Variants in CHCHD3 observed in about 807,000 individuals in gnomAD.
CHCHD3 encodes the protein coiled-coil-helix-coiled-coil-helix domain containing 3.
CHCHD3 carries 20 observed loss-of-function variants against 38.2 expected under a neutral mutation model. The observed-to-expected ratio is 0.52, with a 90% confidence interval of 0.37 to 0.76. The LOEUF (loss-of-function observed/expected upper bound fraction) is 0.76, where lower values mean the gene tolerates loss of function less well. CHCHD3 is among the 30% of genes least tolerant of loss of function. CHCHD3 has a pLI of 0.00. For synonymous variants in CHCHD3, 82 were observed against 100.0 expected (o/e 0.82, Z 1.07); for missense variants, 245 against 279.2 (o/e 0.88, Z 0.87).
chr7:132,798,363 A>T (rs1313595557), intron 6 of CHCHD3, among the ~76,000 whole-genome samples: 3 of 152,298 alleles, frequency 2.0e-5, no homozygotes, highest in Non-Finnish European at 4.4e-5. Flanking sequence ...ATGTCTGTGA[A>T]TTTTTCTGGA....
At chr7:132,853,180 G>A (rs560294901) in intron 5 of CHCHD3, among the ~76,000 whole-genome samples, 9 of 152,152 alleles carry the variant, frequency 5.9e-5, no homozygotes, top group Non-Finnish European at 1.2e-4. Flanking sequence ...AAACAACTCC[G>A]ACTGACCGCT....
intron 5 of CHCHD3, among the ~76,000 whole-genome samples, chr7:132,842,792 T>C (rs1807973495): frequency 6.6e-6 from 1 of 152,202 alleles, no homozygotes; most frequent in Non-Finnish European, 1.5e-5. Flanking sequence ...GGCTACCTTA[T>C]GGCAACAGAT....
At chr7:133,075,935 T>G (rs1814976356) in intron 1 of CHCHD3, among the ~76,000 whole-genome samples, 2 of 151,714 alleles carry the variant, frequency 1.3e-5, no homozygotes, top group Non-Finnish European at 2.9e-5. Context: ...GGTGGGTGCC[T>G]GTAGTCCCAG....
intron 3 of CHCHD3, among the ~76,000 whole-genome samples, chr7:132,995,287 T>A (rs538738506): frequency 6.6e-5 from 10 of 152,192 alleles, no homozygotes; most frequent in Admixed American, 1.3e-4. Flanking sequence ...CACATCTTGA[T>A]GAGTCTAGGA....
intron 4 of CHCHD3, among the ~76,000 whole-genome samples, chr7:132,959,905 A>G (rs1432759855): frequency 1.3e-5 from 2 of 152,156 alleles, no homozygotes; most frequent in Non-Finnish European, 2.9e-5. Flanking sequence ...AGGCCAAAGA[A>G]AAATGAAAAC....
intron 4 of CHCHD3, among the ~76,000 whole-genome samples, chr7:132,933,826 C>T (rs964068624): frequency 1.8e-4 from 28 of 152,206 alleles, no homozygotes; most frequent in Admixed American, 1.5e-3. Context: ...GACAATGTGC[C>T]AGGTCCTGGG....
chr7:132,977,592 T>C (rs913222157), intron 3 of CHCHD3, among the ~76,000 whole-genome samples: 2 of 152,184 alleles, frequency 1.3e-5, no homozygotes, highest in Non-Finnish European at 2.9e-5. Context: ...AATAAAATAA[T>C]AAAATTACTA....
intron 4 of CHCHD3, among the ~76,000 whole-genome samples, chr7:132,895,051 T>G (rs1360390020): frequency 6.6e-6 from 1 of 152,210 alleles, no homozygotes. Flanking sequence ...AATGGTCCAT[T>G]AACCAGCATG....
At chr7:132,790,133 T>C (rs1806421334) in intron 7 of CHCHD3, among the ~76,000 whole-genome samples, 1 of 152,240 alleles carries the variant, frequency 6.6e-6, no homozygotes, top group Admixed American at 6.5e-5. Flanking sequence ...GAGCTGTTTG[T>C]TCTTTGTTCC....
intron 1 of CHCHD3, among the ~76,000 whole-genome samples, chr7:133,080,624 A>C (rs567912701): frequency 1.3e-5 from 2 of 152,360 alleles, no homozygotes; most frequent in South Asian, 4.1e-4. Context: ...TACTAACTGA[A>C]ACACAATAAC....
At chr7:132,947,382 A>G (rs1810925887) in intron 4 of CHCHD3, among the ~76,000 whole-genome samples, 1 of 151,910 alleles carries the variant, frequency 6.6e-6, no homozygotes, top group African/African-American at 2.4e-5. Context: ...ACTTTATTTT[A>G]AAACTTTACA....
At position 132,972,952 on chromosome 7, in the gene CHCHD3, C is replaced by G. The variant is rs76129098; in HGVS notation, c.369+2217G>C. ...ACAAGATTTATTAGGTAAAACAGAA[C>G]AGACTGCAGATATGCTATTCCAATC... On this transcript the variant is annotated intron_variant, in intron 4 of 7. Transcript: ENST00000262570. 4.3e-3 allele frequency: 4,195 copies of G among 985,404 alleles called. 150 individuals are homozygous for G. In the African/African-American group the frequency reaches 0.067, roughly 16 times the overall value. 61.0% of individuals were successfully genotyped at this position (985,404 alleles called of 1,614,324 possible).
intron 4 of CHCHD3, among the ~76,000 whole-genome samples, chr7:132,903,469 T>C (rs549749398): frequency 7.9e-4 from 121 of 152,274 alleles, no homozygotes; most frequent in African/African-American, 2.6e-3. Flanking sequence ...AGGAAACAAG[T>C]TGCAGAAAAG....
intron 3 of CHCHD3, among the ~76,000 whole-genome samples, chr7:132,979,943 G>A (rs1469396555): frequency 6.6e-6 from 1 of 152,092 alleles, no homozygotes; most frequent in African/African-American, 2.4e-5. Flanking sequence ...TCTTTACTGA[G>A]CCAAAACCAC....
At chr7:132,969,724 G>C (rs1416048396) in intron 4 of CHCHD3, among the ~76,000 whole-genome samples, 1 of 152,084 alleles carries the variant, frequency 6.6e-6, no homozygotes, top group East Asian at 1.9e-4. Context: ...TTCTCACCTG[G>C]ATTAACACAG....
Position 132,826,340 on chromosome 7 carries a change from C to T in CHCHD3, c.524+12059G>A, listed in dbSNP as rs150509696. Among the ~76,000 whole-genome samples, 104 of 152,250 alleles carry T rather than the reference C, an allele frequency of 6.8e-4. 1 individual carries two copies. The East Asian group carries it at 0.019, about 28-fold the overall frequency. The stretch of plus-strand genomic sequence containing the variant: ...ATCCCTACAATGCATGTTTAACATA[C>T]TAAAAAAGGAGGTTTTAGTCCTTGA... On this transcript the variant is annotated intron_variant, in intron 6 of 7. Transcript: ENST00000262570.
intron 3 of CHCHD3, among the ~76,000 whole-genome samples, chr7:133,021,731 G>T (rs1205754785): frequency 6.6e-6 from 1 of 152,138 alleles, no homozygotes; most frequent in East Asian, 1.9e-4. Flanking sequence ...AACAAGAATT[G>T]TTACAACTGT....
At chr7:132,891,184 A>G (rs1027230047) in intron 4 of CHCHD3, among the ~76,000 whole-genome samples, 7 of 152,236 alleles carry the variant, frequency 4.6e-5, no homozygotes, top group Non-Finnish European at 1.0e-4. Flanking sequence ...AGGAGAAATT[A>G]CATAGGGTTC....
chr7:133,064,333 T>C (rs1480512349), intron 2 of CHCHD3, among the ~76,000 whole-genome samples: 1 of 152,192 alleles, frequency 6.6e-6, no homozygotes, highest in African/African-American at 2.4e-5. Context: ...GGTTTCTTAC[T>C]ATTAGGAACA....
Sources: gnomAD v4.1 joint callset for allele counts (sites outside exome capture counted in the v4.1 genomes callset) on GRCh38, gnomAD v4.1.1 for gene constraint, MANE v1.5 for transcripts, NCBI Gene and HGNC (gene_info 2026-07-23, HGNC 2026-07-21) for gene names.